MLXIPL: variants seen among roughly 807,000 people sequenced by gnomAD.
MLXIPL encodes carbohydrate-responsive element-binding protein.
A neutral mutation model predicts 81.5 loss-of-function variants in MLXIPL; 49 were observed. That is an observed-to-expected ratio of 0.60 (90% CI 0.48 to 0.76). The LOEUF (loss-of-function observed/expected upper bound fraction) is 0.76, where lower values mean the gene tolerates loss of function less well. Among genes scored for constraint, MLXIPL ranks in the 30% least tolerant of loss-of-function variants. MLXIPL has a pLI of 0.00. For synonymous variants in MLXIPL, 466 were observed against 485.5 expected, an observed-to-expected ratio of 0.96 and a Z score of 0.53; for missense variants, 1,053 against 1,167.0, an observed-to-expected ratio of 0.90 and a Z score of 1.42.
At chr7:73,606,395 GTTTT>G (rs149023905) in intron 5 of MLXIPL, 23 of 383,948 alleles carry the variant, frequency 6.0e-5, no homozygotes, top group African/African-American at 3.7e-4. Flanking sequence ...GGTCCCTCTG[GTTTT>G]TTTTTTTGTT....
the MLXIPL span, among the ~76,000 whole-genome samples, chr7:73,630,464 T>G: frequency 8.2e-3 from 1,251 of 152,032 alleles, 15 homozygotes; most frequent in African/African-American, 0.029. Context: ...ACCTAATTTT[T>G]GTATTTTTTG....
At chr7:73,640,954 C>T in the MLXIPL span, among the ~76,000 whole-genome samples, 4 of 152,050 alleles carry the variant, frequency 2.6e-5, no homozygotes, top group African/African-American at 9.7e-5. Context: ...GACAGAGGCA[C>T]AGCTTCCCAC....
At chr7:73,621,991 CT>C (rs1563514553) in intron 1 of MLXIPL, among the ~76,000 whole-genome samples, 1 of 126,756 alleles carries the variant, frequency 7.9e-6, no homozygotes, top group Non-Finnish European at 1.7e-5. Context: ...ATCTCCCTCC[CT>C]CCCTTCCTTC....
At chr7:73,635,608 C>T in the MLXIPL span, among the ~76,000 whole-genome samples, 15 of 151,868 alleles carry the variant, frequency 9.9e-5, no homozygotes, top group African/African-American at 3.6e-4. Context: ...ATCTATCCAT[C>T]CATCCATCTC....
chr7:73,625,148 C>T (rs1180578632), upstream of MLXIPL, among the ~76,000 whole-genome samples: 2 of 152,078 alleles, frequency 1.3e-5, no homozygotes, highest in Non-Finnish European at 2.9e-5. Flanking sequence ...CGCGCCACTG[C>T]ACTCCAGCCT....
At chr7:73,607,299 C>T in intron 4 of MLXIPL, 32 bp downstream of exon 4, 1 of 1,544,416 alleles carries the variant, frequency 6.5e-7, no homozygotes, top group Non-Finnish European at 8.8e-7. Flanking sequence ...AGGAGGAAAG[C>T]TCTGGGGCCT....
chr7:73,619,486 G>T (rs1243492756), intron 1 of MLXIPL, among the ~76,000 whole-genome samples: 1 of 150,800 alleles, frequency 6.6e-6, no homozygotes, highest in East Asian at 2.0e-4. Context: ...AAAGTTAGCT[G>T]GGCATGGTGG....
intron 1 of MLXIPL, among the ~76,000 whole-genome samples, chr7:73,620,743 GA>G (rs1185076783): frequency 6.7e-5 from 8 of 120,268 alleles, no homozygotes; most frequent in Non-Finnish European, 1.2e-4. Flanking sequence ...CTCCGTCTCA[GA>G]AAAAAAAAAG....
At chr7:73,602,223 T>TTCTC (rs797026052) in intron 7 of MLXIPL, among the ~76,000 whole-genome samples, 1 of 141,758 alleles carries the variant, frequency 7.1e-6, no homozygotes, top group African/African-American at 2.6e-5. Flanking sequence ...CTTTCTTTCT[T>TTCTC]TTTTTTTTTT....
At chr7:73,627,229 G>C (rs1796768417), upstream of MLXIPL, among the ~76,000 whole-genome samples, 1 of 151,234 alleles carries the variant, frequency 6.6e-6, no homozygotes, top group Non-Finnish European at 1.5e-5. Flanking sequence ...CTGCTTCAGA[G>C]AGCCATCCCC....
chr7:73,594,038 C>T, intron 16 of MLXIPL, 55 bp from the exon 17 acceptor site: 1 of 1,528,678 alleles, frequency 6.5e-7, no homozygotes, highest in Non-Finnish European at 9.1e-7. Flanking sequence ...AGGGCCCTAC[C>T]CTTGGATGTG....
chr7:73,596,727 G>A lies in MLXIPL; in HGVS notation c.1734C>T (p.Pro578=), dbSNP rs1554594142. ...FLPPTPAPTP[P]RPPPGPATLA... ...ATGTGGCCGGGCCTGGAGGTGGCCG[G>A]GGCGGTGTAGGGGCCGGGGTCGGGG... The change falls in exon 11 of 17, where the codon CCC becomes CCT. Residue 578 remains proline (P), a synonymous_variant. Transcript: ENST00000313375. The surrounding 1 kb of genome is among the most constrained non-coding windows in gnomAD (Gnocchi z 4.7). The A allele has an allele frequency of 6.3e-7, 1 of 1,592,412 alleles. No individual in the cohort carries two copies. The highest frequency in any genetic ancestry group is 1.1e-5 in the South Asian group (1 of 88,264).
In MLXIPL at chr7:73,607,569, GGC is replaced by G. The variant is rs782137126; in HGVS notation, c.483+19_483+20del. The G allele has an allele frequency of 5.6e-6, 9 of 1,611,232 alleles. No individual in the cohort carries two copies. The highest frequency in any genetic ancestry group is 1.3e-5 in the African/African-American group (1 of 74,898). On this transcript the variant is annotated intron_variant, in intron 3 of 16. Coordinates refer to ENST00000313375, the MANE Select transcript of MLXIPL (RefSeq NM_032951.3). ...GGGTGGGCAGGTGGGCAGGTGGGCA[GGC>G]GGTCCAGAACCCAGCTACCTCCGGC... is the stretch of plus-strand genomic sequence containing the variant.
chr7:73,634,255 G>A, the MLXIPL span, among the ~76,000 whole-genome samples: 2 of 152,132 alleles, frequency 1.3e-5, no homozygotes, highest in African/African-American at 4.8e-5. Flanking sequence ...AGTTTGCCAG[G>A]AGCAGTGGCT....
the MLXIPL span, among the ~76,000 whole-genome samples, chr7:73,633,876 T>G: frequency 2.0e-5 from 3 of 152,118 alleles, no homozygotes; most frequent in Admixed American, 6.6e-5. Context: ...AGGAAGCCAC[T>G]ACTGTGGCTA....
At chr7:73,600,832 G>A (rs897453771) in intron 7 of MLXIPL, among the ~76,000 whole-genome samples, 2 of 151,940 alleles carry the variant, frequency 1.3e-5, no homozygotes, top group Non-Finnish European at 2.9e-5. Context: ...TGGGGTGCGG[G>A]TTGTGTAAGT....
In MLXIPL at chr7:73,605,934, G is replaced by A. The variant is rs1362287176; in HGVS notation, c.796C>T (p.Pro266Ser). The A allele has an allele frequency of 3.8e-6, 6 of 1,593,294 alleles. No homozygotes were observed. In the South Asian group the frequency reaches 4.5e-5, roughly 12 times the overall value. The part of the protein sequence containing the change: ...LFTMTQSGPS[P>S]LQLPPEDAYV... Reference sequence around the variant, plus strand: ...CCATCCTCAGGCGGCAGCTGCAGGGGCGAAGGGCCGGACTGAGTCATGGTG... The same window carrying A: ...CCATCCTCAGGCGGCAGCTGCAGGGACGAAGGGCCGGACTGAGTCATGGTG... The change falls in exon 6 of 17, where the codon CCC (proline) becomes TCC (serine). Residue 266 changes from proline (P) to serine (S), a missense_variant. This residue lies in a region of MLXIPL where 823 missense variants were observed against 933.0 expected (regional missense o/e 0.88). Coordinates refer to ENST00000313375, the MANE Select transcript of MLXIPL (RefSeq NM_032951.3).
At chr7:73,627,219 C>G (rs546291087), upstream of MLXIPL, among the ~76,000 whole-genome samples, 1 of 151,482 alleles carries the variant, frequency 6.6e-6, no homozygotes, top group South Asian at 2.1e-4. Flanking sequence ...GGGCTCTGCC[C>G]TGCTTCAGAG....
intron 2 of MLXIPL, chr7:73,610,383 G>C (rs563081652): frequency 1.3e-5 from 2 of 152,000 alleles, no homozygotes; most frequent in South Asian, 4.2e-4. Flanking sequence ...TACTACCTCT[G>C]GGACAAAGTC....
Sources: gnomAD v4.1 joint callset for allele counts (sites outside exome capture counted in the v4.1 genomes callset) on GRCh38, gnomAD v4.1.1 for gene constraint, gnomAD v4.1.1 regional missense constraint, Gnocchi (gnomAD v3.1) non-coding constraint, MANE v1.5 for transcripts, NCBI Gene and HGNC (gene_info 2026-07-23, HGNC 2026-07-21) for gene names.